Variants in CRYL1 observed in about 807,000 individuals in gnomAD.
CRYL1 encodes the protein crystallin lambda 1.
In CRYL1, 29 loss-of-function variants were observed where a neutral mutation model predicts 36.6. That is an observed-to-expected ratio of 0.79 (90% CI 0.59 to 1.08). CRYL1 has a LOEUF of 1.08. Among genes scored for constraint, CRYL1 ranks in the 50% least tolerant of loss-of-function variants. The probability of loss-of-function intolerance (pLI) is 0.00; values close to 1 mark genes in which losing one functional copy is unlikely to be tolerated. For synonymous variants in CRYL1, 152 were observed against 151.5 expected (o/e 1.00, Z -0.02); for missense variants, 411 against 407.9 (o/e 1.01, Z -0.06).
At chr13:20,448,045 G>A (rs186854699) in intron 3 of CRYL1, among the ~76,000 whole-genome samples, 2 of 152,220 alleles carry the variant, frequency 1.3e-5, no homozygotes, top group Admixed American at 1.3e-4. Context: ...ATTTAAAATA[G>A]CTATGATTAA....
At chr13:20,516,555 C>T (rs1464219425) in intron 1 of CRYL1, among the ~76,000 whole-genome samples, 2 of 151,836 alleles carry the variant, frequency 1.3e-5, no homozygotes, top group African/African-American at 4.9e-5. Flanking sequence ...TCTCGGCTCA[C>T]TGCAAGCTCC....
intron 5 of CRYL1, among the ~76,000 whole-genome samples, chr13:20,420,733 G>C (rs1240991997): frequency 1.0e-5 from 1 of 100,148 alleles, no homozygotes; most frequent in African/African-American, 3.1e-5. Flanking sequence ...GTGTGTGTGT[G>C]TGTGTGTGTG....
chr13:20,507,404 G>A (rs2033812345), intron 2 of CRYL1, among the ~76,000 whole-genome samples: 1 of 152,148 alleles, frequency 6.6e-6, no homozygotes, highest in Admixed American at 6.5e-5. Context: ...GACCCACAAA[G>A]CCTACAATAT....
At chr13:20,482,398 C>T (rs1364717598) in intron 3 of CRYL1, among the ~76,000 whole-genome samples, 4 of 152,126 alleles carry the variant, frequency 2.6e-5, no homozygotes, top group Non-Finnish European at 5.9e-5. Context: ...TAGATAAGGC[C>T]TCGACATAGT....
chr13:20,479,407 C>T (rs2033230441), intron 3 of CRYL1, among the ~76,000 whole-genome samples: 1 of 152,080 alleles, frequency 6.6e-6, no homozygotes, highest in Non-Finnish European at 1.5e-5. Flanking sequence ...AATGAACTTG[C>T]CCTGAAGAAA....
chr13:20,431,539 G>A (rs970771399), intron 5 of CRYL1: 31 of 1,004,742 alleles, frequency 3.1e-5, no homozygotes, highest in Middle Eastern at 5.1e-4. Flanking sequence ...ACGAGAATGC[G>A]TGCAGCCAGG....
At chr13:20,494,185 T>C (rs2033565118) in intron 2 of CRYL1, among the ~76,000 whole-genome samples, 1 of 152,142 alleles carries the variant, frequency 6.6e-6, no homozygotes. Flanking sequence ...AGAAAAACAT[T>C]CATATGGCAG....
chr13:20,426,205 C>CACAACCTAT (rs1347315024), intron 5 of CRYL1, among the ~76,000 whole-genome samples: 4 of 151,508 alleles, frequency 2.6e-5, no homozygotes, highest in Non-Finnish European at 5.9e-5. Context: ...TTCTCATCCT[C>CACAACCTAT]TGTGCAGTTA....
chr13:20,464,542 A>G (rs1329981647), intron 3 of CRYL1, among the ~76,000 whole-genome samples: 3 of 152,198 alleles, frequency 2.0e-5, no homozygotes, highest in Non-Finnish European at 1.5e-5. Context: ...TTAAGGAGGA[A>G]GAAGGAGGAG....
At chr13:20,430,400 G>A (rs986896559) in intron 5 of CRYL1, 15 of 985,178 alleles carry the variant, frequency 1.5e-5, no homozygotes, top group Admixed American at 6.2e-5. Context: ...TTTCTCAGGA[G>A]GTATGTCACC....
At chr13:20,480,889 T>C (rs1055571405) in intron 3 of CRYL1, among the ~76,000 whole-genome samples, 2 of 152,214 alleles carry the variant, frequency 1.3e-5, no homozygotes, top group Non-Finnish European at 2.9e-5. Flanking sequence ...GATAAATACA[T>C]AATTACAGAT....
rs5802072 is a variant in CRYL1 at position 20,420,700 on chromosome 13, G to GTTTTTT, written c.634-7314_634-7313insAAAAAA. On this transcript the variant is annotated intron_variant, in intron 5 of 7. Coordinates refer to ENST00000298248, the MANE Select transcript of CRYL1 (RefSeq NM_015974.3). The stretch of plus-strand genomic sequence containing the variant: ...CCTTTGACTTTTCTTTAAAATAGAG[G>GTTTTTT]TTGTGTGTGTGTGTGTGTGTGTGTG... Among the ~76,000 whole-genome samples, 142 of 36,458 alleles carry GTTTTTT rather than the reference G, an allele frequency of 3.9e-3. 21 individuals carry two copies. The highest frequency in any genetic ancestry group is 0.01 in the Admixed American group (31 of 3,066). The allele number at this position is 36,458 out of a possible 152,430, so 23.9% of individuals were successfully genotyped here. A position where few individuals can be genotyped will look rare whatever the true frequency, so the allele number is the denominator to read the frequency against.
intron 2 of CRYL1, among the ~76,000 whole-genome samples, chr13:20,497,029 C>T (rs1048911700): frequency 1.3e-5 from 2 of 152,002 alleles, no homozygotes; most frequent in African/African-American, 4.8e-5. Context: ...AAAAGCAAGT[C>T]GCAATAGCTC....
In CRYL1 at chr13:20,505,053, G is replaced by A. The variant is rs568663545; in HGVS notation, c.149+7390C>T. Among the ~76,000 whole-genome samples the A allele has an allele frequency of 7.3e-4, 111 of 152,132 alleles. 2 individuals are homozygous for A. In the South Asian group the frequency reaches 0.019, roughly 27 times the overall value. On this transcript the variant is annotated intron_variant, in intron 2 of 7. Transcript: ENST00000298248. ...CACGTGACATTTTCTAATATGAAAC[G>A]TTAAAAAAGAATCAGAATATGGCTG...
intron 3 of CRYL1, among the ~76,000 whole-genome samples, chr13:20,452,489 A>T (rs1287642194): frequency 6.6e-6 from 1 of 152,166 alleles, no homozygotes; most frequent in Non-Finnish European, 1.5e-5. Context: ...CCAAGAAGAT[A>T]CAACAACTCT....
At chr13:20,413,217 CTG>C in intron 6 of CRYL1, 63 bp downstream of exon 6, 2 of 1,135,972 alleles carry the variant, frequency 1.8e-6, no homozygotes, top group Non-Finnish European at 2.6e-6. Context: ...CAAAATGTGA[CTG>C]TTTACAAAAC....
chr13:20,486,825 T>G (rs1423860000), intron 3 of CRYL1, among the ~76,000 whole-genome samples: 1 of 152,222 alleles, frequency 6.6e-6, no homozygotes, highest in African/African-American at 2.4e-5. Context: ...CCCCATGTCA[T>G]TCTTTATTAC....
Position 20,404,358 on chromosome 13 carries a change from A to G in CRYL1, c.847-116T>C, listed in dbSNP as rs1367268270. On this transcript the variant is annotated intron_variant, in intron 7 of 7. Transcript: ENST00000298248. ...GAAACTGCTTTCAAAGACAAAAGCA[A>G]TAAACCCTCAATGAACAGCAGCTTT... 3 of 714,602 alleles carry G rather than the reference A, an allele frequency of 4.2e-6. No homozygotes were observed. The African/African-American group carries it at 5.3e-5, about 13-fold the overall frequency. The allele number at this position is 714,602 out of a possible 1,614,324, so 44.3% of individuals were successfully genotyped here.
At chr13:20,456,332 G>C (rs1316037402) in intron 3 of CRYL1, among the ~76,000 whole-genome samples, 1 of 151,818 alleles carries the variant, frequency 6.6e-6, no homozygotes. Flanking sequence ...AAATTAGCTG[G>C]GGTTGTGGCA....
Sources: allele counts gnomAD v4.1 joint callset (sites outside exome capture counted in the v4.1 genomes callset), GRCh38; gene constraint gnomAD v4.1.1; transcripts MANE v1.5; gene names NCBI Gene and HGNC (gene_info 2026-07-23, HGNC 2026-07-21).